The following THSD7B variants were observed in gnomAD, a reference collection of about 807,000 sequenced individuals.
THSD7B encodes the protein thrombospondin type-1 domain-containing protein 7B.
Under a neutral mutation model 213.6 loss-of-function variants are expected in THSD7B, and 138 were observed. The ratio of observed to expected loss-of-function variants is 0.65; its 90% CI spans 0.56 to 0.74. The LOEUF is 0.74. Ranked by LOEUF, THSD7B falls within the 30% of genes least tolerant of loss-of-function variation. The pLI is 0.00. For missense variants in THSD7B, 1,931 were observed against 1,991.5 expected, an observed-to-expected ratio of 0.97 and a Z score of 0.58; for synonymous variants, 742 against 687.0, an observed-to-expected ratio of 1.08 and a Z score of -1.25.
chr2:137,086,572 C>T (rs891591197), intron 3 of THSD7B, among the ~76,000 whole-genome samples: 3 of 152,162 alleles, frequency 2.0e-5, no homozygotes, highest in Admixed American at 6.5e-5. Flanking sequence ...TTAACTTAAT[C>T]ACCTCTACAA....
chr2:137,203,780 G>T (rs1049330197), intron 7 of THSD7B, among the ~76,000 whole-genome samples: 1 of 151,968 alleles, frequency 6.6e-6, no homozygotes, highest in Non-Finnish European at 1.5e-5. Flanking sequence ...ATTATGCAGT[G>T]TATTTCTTAC....
At chr2:137,523,724 G>A (rs966250719) in intron 15 of THSD7B, among the ~76,000 whole-genome samples, 2 of 152,080 alleles carry the variant, frequency 1.3e-5, no homozygotes, top group African/African-American at 4.8e-5. Context: ...GCTGGTCATG[G>A]TTACTCCACT....
chr2:137,108,593 T>G (rs1688295889), intron 4 of THSD7B, among the ~76,000 whole-genome samples: 1 of 152,198 alleles, frequency 6.6e-6, no homozygotes, highest in African/African-American at 2.4e-5. Context: ...AATCCAAAGT[T>G]TGTGTCCTGT....
intron 12 of THSD7B, among the ~76,000 whole-genome samples, chr2:137,373,309 C>T (rs1184248370): frequency 1.3e-5 from 2 of 152,210 alleles, no homozygotes; most frequent in Non-Finnish European, 2.9e-5. Flanking sequence ...TTTACAGTCC[C>T]ACCAACAGTG....
At chr2:137,244,858 A>G (rs1202083913) in intron 10 of THSD7B, among the ~76,000 whole-genome samples, 1 of 152,178 alleles carries the variant, frequency 6.6e-6, no homozygotes, top group African/African-American at 2.4e-5. Context: ...ACAGGACACT[A>G]TAAGAGGGGG....
intron 4 of THSD7B, among the ~76,000 whole-genome samples, chr2:137,108,640 G>A (rs1431360718): frequency 6.6e-6 from 1 of 152,108 alleles, no homozygotes; most frequent in Non-Finnish European, 1.5e-5. Context: ...ACAGTTACAG[G>A]AGGGTCCTTT....
At chr2:137,409,785 T>C (rs1686607160) in intron 13 of THSD7B, among the ~76,000 whole-genome samples, 1 of 152,124 alleles carries the variant, frequency 6.6e-6, no homozygotes, top group Non-Finnish European at 1.5e-5. Flanking sequence ...AAAAGATATG[T>C]TACGATGGAA....
At chr2:136,790,497 T>C (rs1454935552) in intron 1 of THSD7B, among the ~76,000 whole-genome samples, 2 of 152,136 alleles carry the variant, frequency 1.3e-5, no homozygotes, top group South Asian at 4.1e-4. Context: ...TCCACTTTTA[T>C]TGCAAATTTC....
intron 2 of THSD7B, among the ~76,000 whole-genome samples, chr2:137,011,418 CT>C (rs986556850): frequency 5.3e-5 from 8 of 152,078 alleles, no homozygotes; most frequent in Admixed American, 4.6e-4. Context: ...ACATTTTGGC[CT>C]TGATAATTCT....
chr2:137,227,153 T>C (rs1681525486), intron 7 of THSD7B, among the ~76,000 whole-genome samples: 1 of 152,192 alleles, frequency 6.6e-6, no homozygotes, highest in East Asian at 1.9e-4. Flanking sequence ...GTGAATGTGC[T>C]AAATGCCACT....
intron 15 of THSD7B, among the ~76,000 whole-genome samples, chr2:137,552,426 A>T (rs1426174143): frequency 1.3e-5 from 2 of 152,134 alleles, no homozygotes; most frequent in African/African-American, 2.4e-5. Flanking sequence ...TCTCAGTGTG[A>T]GTGTGGGCAT....
rs4954443 is a variant in THSD7B at position 136,833,192 on chromosome 2, C to A, written c.-35-48952C>A. Among the ~76,000 whole-genome samples the A allele has an allele frequency of 1.6e-3, 239 of 151,782 alleles. 4 individuals carry two copies. In the East Asian group the frequency reaches 0.016, roughly 10 times the overall value. On this transcript the variant is annotated intron_variant, in intron 1 of 27. Transcript: ENST00000409968. ...CATCCTGGATAACATGGTGAAACCC[C>A]GTCTCTACTAAAAATACCAAAAATT...
chr2:137,061,802 A>C (rs1352869021), intron 3 of THSD7B, among the ~76,000 whole-genome samples: 2 of 151,720 alleles, frequency 1.3e-5, no homozygotes, highest in Non-Finnish European at 3.0e-5. Flanking sequence ...GTTTATGAGA[A>C]ATGTTGATCT....
intron 2 of THSD7B, among the ~76,000 whole-genome samples, chr2:136,992,405 G>C (rs1419869319): frequency 1.3e-5 from 2 of 152,304 alleles, no homozygotes; most frequent in East Asian, 3.9e-4. Flanking sequence ...CTATTCCAGA[G>C]GTATATATGT....
intron 17 of THSD7B, among the ~76,000 whole-genome samples, chr2:137,612,232 T>C (rs575786815): frequency 1.9e-4 from 29 of 152,302 alleles, no homozygotes; most frequent in African/African-American, 6.3e-4. Flanking sequence ...TCAAATGCAA[T>C]GTAATTTTTG....
intron 2 of THSD7B, among the ~76,000 whole-genome samples, chr2:136,954,327 G>C (rs1018453125): frequency 1.3e-5 from 2 of 152,120 alleles, no homozygotes; most frequent in Non-Finnish European, 2.9e-5. Context: ...GATAAGAAAA[G>C]GTAAAGTGTT....
At chr2:137,333,820 GCA>G (rs1196435857) in intron 12 of THSD7B, among the ~76,000 whole-genome samples, 1 of 152,130 alleles carries the variant, frequency 6.6e-6, no homozygotes, top group African/African-American at 2.4e-5. Context: ...TAATGCTACA[GCA>G]GCCACAATAA....
chr2:137,261,586 C>T (rs1682453307), intron 10 of THSD7B, among the ~76,000 whole-genome samples: 1 of 151,926 alleles, frequency 6.6e-6, no homozygotes, highest in East Asian at 1.9e-4. Context: ...AACATAAAGC[C>T]AAAAGAGAAG....
At chr2:136,849,370 A>G (rs1383173074) in intron 1 of THSD7B, among the ~76,000 whole-genome samples, 4 of 152,166 alleles carry the variant, frequency 2.6e-5, no homozygotes, top group African/African-American at 9.7e-5. Context: ...CTTGGGAAGG[A>G]GTATTTGAAC....
Sources: gnomAD v4.1 joint callset for allele counts (sites outside exome capture counted in the v4.1 genomes callset) on GRCh38, gnomAD v4.1.1 for gene constraint, MANE v1.5 for transcripts, NCBI Gene and HGNC (gene_info 2026-07-23, HGNC 2026-07-21) for gene names.